The following SPIDR variants were observed in gnomAD, a reference collection of about 807,000 sequenced individuals.
SPIDR encodes DNA repair-scaffolding protein.
In SPIDR, 93 loss-of-function variants were observed where a neutral mutation model predicts 104.6. The ratio of observed to expected loss-of-function variants is 0.89; its 90% CI spans 0.75 to 1.06. The LOEUF is 1.06. Among genes scored for constraint, SPIDR ranks in the 50% least tolerant of loss-of-function variants. The pLI, the probability that SPIDR is intolerant of heterozygous loss-of-function variation, is 0.00. For missense variants in SPIDR, 1,154 were observed against 1,111.2 expected, an observed-to-expected ratio of 1.04 and a Z score of -0.55; for synonymous variants, 431 against 416.9, an observed-to-expected ratio of 1.03 and a Z score of -0.41.
chr8:47,698,626 G>A (rs1015417485), intron 11 of SPIDR, among the ~76,000 whole-genome samples: 3 of 152,148 alleles, frequency 2.0e-5, no homozygotes, highest in African/African-American at 7.2e-5. Flanking sequence ...CTAAATAAAA[G>A]TCATTAAATT....
chr8:47,307,563 G>A (rs1307329015), intron 5 of SPIDR, among the ~76,000 whole-genome samples: 1 of 105,242 alleles, frequency 9.5e-6, no homozygotes, highest in Non-Finnish European at 1.8e-5. Flanking sequence ...TTTTGAGACA[G>A]AGTCTCACTC....
At chr8:47,572,766 A>C (rs1182743411) in intron 8 of SPIDR, among the ~76,000 whole-genome samples, 1 of 152,116 alleles carries the variant, frequency 6.6e-6, no homozygotes, top group Non-Finnish European at 1.5e-5. Context: ...ATTGAGAAAC[A>C]TTTTTGAGAC....
intron 10 of SPIDR, among the ~76,000 whole-genome samples, chr8:47,630,772 G>A (rs993750728): frequency 5.3e-5 from 8 of 152,210 alleles, no homozygotes; most frequent in African/African-American, 1.2e-4. Context: ...AAAATACCAC[G>A]TGACCTATAG....
chr8:47,565,440 C>T (rs2057666738), intron 8 of SPIDR, among the ~76,000 whole-genome samples: 1 of 151,962 alleles, frequency 6.6e-6, no homozygotes, highest in Non-Finnish European at 1.5e-5. Context: ...AATAAAGAAC[C>T]TTGTACCATT....
At chr8:47,312,594 G>C (rs1554586303) in intron 5 of SPIDR, among the ~76,000 whole-genome samples, 1 of 151,982 alleles carries the variant, frequency 6.6e-6, no homozygotes. Context: ...AAATTTGTTT[G>C]AGTTCATTGT....
At chr8:47,550,739 T>C (rs1428557027) in intron 8 of SPIDR, among the ~76,000 whole-genome samples, 1 of 152,214 alleles carries the variant, frequency 6.6e-6, no homozygotes, top group Non-Finnish European at 1.5e-5. Context: ...CTTCCTCATT[T>C]CCTAATTGAA....
intron 5 of SPIDR, among the ~76,000 whole-genome samples, chr8:47,300,431 G>GT (rs1181181331): frequency 3.3e-5 from 5 of 151,994 alleles, no homozygotes; most frequent in African/African-American, 1.2e-4. Flanking sequence ...TTTTTGAAGG[G>GT]TTTTTTGTGT....
chr8:47,719,027 G>A (rs1293679179), intron 16 of SPIDR, among the ~76,000 whole-genome samples: 1 of 152,192 alleles, frequency 6.6e-6, no homozygotes, highest in Admixed American at 6.5e-5. Context: ...TGGTGAGCAG[G>A]AAGGGAGTGG....
At chr8:47,409,416 A>G (rs180885412) in intron 7 of SPIDR, among the ~76,000 whole-genome samples, 2 of 152,244 alleles carry the variant, frequency 1.3e-5, no homozygotes, top group East Asian at 3.9e-4. Context: ...CTCTCCTCCT[A>G]AACAGTGCTG....
At chr8:47,328,818 G>T (rs1289728158) in intron 5 of SPIDR, among the ~76,000 whole-genome samples, 1 of 151,296 alleles carries the variant, frequency 6.6e-6, no homozygotes, top group African/African-American at 2.4e-5. Flanking sequence ...ATGTTTCAGG[G>T]TTTTTTTTCT....
intron 8 of SPIDR, among the ~76,000 whole-genome samples, chr8:47,515,960 C>G (rs1164629551): frequency 6.6e-6 from 1 of 152,226 alleles, no homozygotes; most frequent in African/African-American, 2.4e-5. Context: ...CAGGCGCTCA[C>G]CACCACACCA....
chr8:47,419,215 C>G (rs1278916687), intron 7 of SPIDR: 1 of 152,322 alleles, frequency 6.6e-6, no homozygotes, highest in Admixed American at 6.5e-5. Flanking sequence ...CCTTGTATCT[C>G]TGGTAGAATT....
chr8:47,356,540 C>A (rs2054587332), intron 5 of SPIDR, among the ~76,000 whole-genome samples: 1 of 152,188 alleles, frequency 6.6e-6, no homozygotes, highest in Non-Finnish European at 1.5e-5. Flanking sequence ...GTCTAATGAT[C>A]ACATGGCTTG....
At chr8:47,267,993 T>C (rs368469397) in intron 1 of SPIDR, among the ~76,000 whole-genome samples, 45 of 152,318 alleles carry the variant, frequency 3.0e-4, no homozygotes, top group African/African-American at 1.1e-3. Flanking sequence ...TGTGATTCAT[T>C]TGGAGTTAAT....
intron 10 of SPIDR, among the ~76,000 whole-genome samples, chr8:47,618,250 G>A (rs967175907): frequency 8.6e-5 from 13 of 151,714 alleles, no homozygotes; most frequent in African/African-American, 2.7e-4. Context: ...TCCATCTATC[G>A]GTGTAAAGGC....
chr8:47,335,434 G>A (rs1033566532), intron 5 of SPIDR, among the ~76,000 whole-genome samples: 3 of 151,942 alleles, frequency 2.0e-5, no homozygotes, highest in African/African-American at 2.4e-5. Flanking sequence ...CTTTGTTTAT[G>A]TGGTTTTTTG....
chr8:47,294,301 G>C, intron 5 of SPIDR: 1 of 331,136 alleles, frequency 3.0e-6, no homozygotes, highest in African/African-American at 2.1e-5. Flanking sequence ...TTCCAGTGCA[G>C]ATATATCAAA....
At chr8:47,574,776 G>C (rs1213172254) in intron 8 of SPIDR, among the ~76,000 whole-genome samples, 2 of 151,816 alleles carry the variant, frequency 1.3e-5, no homozygotes, top group Admixed American at 6.6e-5. Context: ...GGGAGGGGAG[G>C]GGAGGAGAGG....
Position 47,701,759 on chromosome 8 carries a change from C to T in SPIDR, c.1812C>T (p.Ile604=), listed in dbSNP as rs775978963. ...THLPPPALCY[I]LTAHPNLGQI... is the part of the protein sequence containing the mutation. ...TGCCTCCTCCAGCCTTGTGTTACAT[C>T]CTCACAGCTCATCCAAATCTGGGAC... Residue 604 remains isoleucine (I), a synonymous_variant, in exon 13 of 20, where the codon ATC becomes ATT. Transcript: ENST00000297423. 5.0e-6 allele frequency: 8 copies of T among 1,614,112 alleles called. No homozygotes were observed. Among genetic ancestry groups the T allele is most frequent in the Middle Eastern group, 1.6e-4 (1 of 6,062 alleles).
Sources: allele counts gnomAD v4.1 joint callset (sites outside exome capture counted in the v4.1 genomes callset), GRCh38; gene constraint gnomAD v4.1.1; transcripts MANE v1.5; gene names NCBI Gene and HGNC (gene_info 2026-07-23, HGNC 2026-07-21).